HERC3: variants seen among roughly 807,000 people sequenced by gnomAD.
HERC3 encodes the protein probable E3 ubiquitin-protein ligase HERC3.
A neutral mutation model predicts 129.9 loss-of-function variants in HERC3; 58 were observed. The ratio of observed to expected loss-of-function variants is 0.45; its 90% CI spans 0.36 to 0.56. The LOEUF is 0.56. HERC3 is among the 20% of genes least tolerant of loss of function. HERC3 has a pLI of 0.00. For missense variants in HERC3, 835 were observed against 1,244.2 expected (o/e 0.67, Z 4.95); for synonymous variants, 430 against 451.0 (o/e 0.95, Z 0.59).
intron 21 of HERC3, among the ~76,000 whole-genome samples, chr4:88,682,473 C>CCCT: frequency 9.2e-6 from 1 of 108,556 alleles, no homozygotes; most frequent in African/African-American, 3.5e-5. Flanking sequence ...CCTTCCCCGA[C>CCCT]CCCCCCACCC....
rs780470282 is a variant in HERC3 at position 88,662,582 on chromosome 4, T to C, written c.1271+27T>C. On this transcript the variant is annotated intron_variant, in intron 11 of 25. Coordinates refer to ENST00000402738, the MANE Select transcript of HERC3 (RefSeq NM_014606.3). ...TATGTGGCTGCTTGTCTTCATTTTT[T>C]TTTCCACAAAGTATGTTACAACTTT... The C allele has an allele frequency of 5.0e-6, 8 of 1,590,588 alleles. No individual in the cohort carries two copies. The East Asian group carries it at 1.8e-4, about 36-fold the overall frequency.
At chr4:88,705,758 G>A (rs1292400556) in intron 25 of HERC3, among the ~76,000 whole-genome samples, 1 of 152,194 alleles carries the variant, frequency 6.6e-6, no homozygotes, top group African/African-American at 2.4e-5. Context: ...TAAAATCAAA[G>A]CACAGGGTTT....
At position 88,697,235 on chromosome 4, in the gene HERC3, C is replaced by T. The variant is rs752077810; in HGVS notation, c.2658-6863C>T. 9 of 1,528,950 alleles carry T rather than the reference C, an allele frequency of 5.9e-6. No homozygotes were observed. Among genetic ancestry groups the T allele is most frequent in the Non-Finnish European group, 4.4e-6 (5 of 1,141,754 alleles). The allele number at this position is 1,528,950 out of a possible 1,614,324, so 94.7% of individuals were successfully genotyped here. On this transcript the variant is annotated intron_variant, in intron 23 of 25. Transcript: ENST00000402738. ...TTCTTGGCGTCATCAGGCATCTCGGCGTGGGCATCGTCATGTTTGGCCCCC... is the reference window on the plus strand; with the variant it reads ...TTCTTGGCGTCATCAGGCATCTCGGTGTGGGCATCGTCATGTTTGGCCCCC...
chr4:88,554,345 CAA>C, the HERC3 span, among the ~76,000 whole-genome samples: 32 of 59,800 alleles, frequency 5.4e-4, no homozygotes, highest in Admixed American at 1.3e-3. Flanking sequence ...ACTCCATCTC[CAA>C]AAAAAAAAAA....
At chr4:88,526,362 T>C in the HERC3 span, among the ~76,000 whole-genome samples, 1 of 152,178 alleles carries the variant, frequency 6.6e-6, no homozygotes, top group Non-Finnish European at 1.5e-5. Context: ...TTTGGGGGCA[T>C]TGAAATTTGT....
chr4:88,578,581 T>C, the HERC3 span, among the ~76,000 whole-genome samples: 13 of 114,308 alleles, frequency 1.1e-4, no homozygotes, highest in East Asian at 2.8e-3. Context: ...AACTCCATCA[T>C]AAAAAAAAAA....
intron 3 of HERC3, among the ~76,000 whole-genome samples, chr4:88,633,107 TA>T (rs1165129466): frequency 6.6e-6 from 1 of 152,198 alleles, no homozygotes; most frequent in Non-Finnish European, 1.5e-5. Flanking sequence ...AAGAGAATTG[TA>T]AACTTAGAAT....
At chr4:88,635,968 C>G (rs977094950) in intron 3 of HERC3, among the ~76,000 whole-genome samples, 1 of 152,130 alleles carries the variant, frequency 6.6e-6, no homozygotes, top group African/African-American at 2.4e-5. Flanking sequence ...TTGCCACCAC[C>G]AGGACTGCCT....
At chr4:88,584,945 G>T in the HERC3 span, among the ~76,000 whole-genome samples, 1 of 152,156 alleles carries the variant, frequency 6.6e-6, no homozygotes, top group Non-Finnish European at 1.5e-5. Context: ...GTGTGTTAAG[G>T]CTACTATAAC....
rs532515500 is a variant in HERC3, at chr4:88,595,841, C to CTT, written c.-30+253_-30+254dup. On this transcript the variant is annotated intron_variant, in intron 2 of 25. Transcript: ENST00000402738. The stretch of plus-strand genomic sequence containing the variant: ...TGGTCTCTGCTTCAAGCACTTAATT[C>CTT]TTTTTTTTTTTTTTTTTTTTTTTTT... Among the ~76,000 whole-genome samples the CTT allele has an allele frequency of 1.7e-3, 138 of 80,290 alleles. 3 individuals are homozygous for CTT. The highest frequency in any genetic ancestry group is 0.018 in the Middle Eastern group (2 of 114). The allele number at this position is 80,290 out of a possible 152,430, so 52.7% of individuals were successfully genotyped here. A position where few individuals can be genotyped will look rare whatever the true frequency, so the allele number is the denominator to read the frequency against.
In HERC3 at chr4:88,627,843, G is replaced by T. The variant is rs377256708; in HGVS notation, c.226+21794G>T. On this transcript the variant is annotated intron_variant, in intron 3 of 25. Transcript: ENST00000402738. ...CGCTTGAACCTGGGAGGCAGAGGTT[G>T]CAGTGAGCTGAGATCACGCCATTGC... 6.1e-5 allele frequency among the ~76,000 whole-genome samples: 9 copies of T among 148,676 alleles called. No individual in the cohort carries two copies. In the East Asian group the frequency reaches 1.8e-3, roughly 29 times the overall value.
intron 3 of HERC3, among the ~76,000 whole-genome samples, chr4:88,610,905 C>T (rs1459494008): frequency 6.6e-6 from 1 of 152,224 alleles, no homozygotes; most frequent in African/African-American, 2.4e-5. Flanking sequence ...TGAGCTCTGG[C>T]AAAGCAGCCG....
chr4:88,654,348 TCATATATATATATATA>T (rs375025963), intron 7 of HERC3, among the ~76,000 whole-genome samples: 11,734 of 109,600 alleles, frequency 0.11, 782 homozygotes, highest in South Asian at 0.28. Flanking sequence ...TGTAGATTTT[TCATATATATATATATA>T]TATATATATA....
At chr4:88,613,195 T>C (rs557109893) in intron 3 of HERC3, among the ~76,000 whole-genome samples, 1 of 152,352 alleles carries the variant, frequency 6.6e-6, no homozygotes, top group African/African-American at 2.4e-5. Context: ...TTGACTCTGC[T>C]AAATTTTAAA....
chr4:88,530,990 A>G, the HERC3 span, among the ~76,000 whole-genome samples: 1 of 151,912 alleles, frequency 6.6e-6, no homozygotes, highest in East Asian at 1.9e-4. Context: ...AGCTGGGACC[A>G]CAGGTGTGTA....
At chr4:88,655,500 C>T (rs748319521) in intron 8 of HERC3, among the ~76,000 whole-genome samples, 196 bp downstream of exon 8, 3 of 152,128 alleles carry the variant, frequency 2.0e-5, no homozygotes, top group African/African-American at 7.2e-5. Flanking sequence ...CAGAGCAACA[C>T]GGAGACATTA....
chr4:88,551,847 C>A, the HERC3 span, among the ~76,000 whole-genome samples: 4 of 152,042 alleles, frequency 2.6e-5, no homozygotes, highest in African/African-American at 9.7e-5. Flanking sequence ...ATGTTTATTG[C>A]GGCACTATTC....
At chr4:88,561,890 A>C in the HERC3 span, among the ~76,000 whole-genome samples, 3 of 152,006 alleles carry the variant, frequency 2.0e-5, no homozygotes, top group Non-Finnish European at 2.9e-5. Flanking sequence ...TTATCCATTC[A>C]TCTGTTGATG....
chr4:88,607,177 G>A (rs1385318571), intron 3 of HERC3, among the ~76,000 whole-genome samples: 1 of 137,056 alleles, frequency 7.3e-6, no homozygotes, highest in Non-Finnish European at 1.6e-5. Context: ...ACTTTGGTGT[G>A]TGTGTGTGTG....
Sources: allele counts gnomAD v4.1 joint callset (sites outside exome capture counted in the v4.1 genomes callset), GRCh38; gene constraint gnomAD v4.1.1; transcripts MANE v1.5; gene names NCBI Gene and HGNC (gene_info 2026-07-23, HGNC 2026-07-21).